The following PRPF18 variants were observed in gnomAD, a reference collection of about 807,000 sequenced individuals.
PRPF18 encodes pre-mRNA-splicing factor 18.
Under a neutral mutation model 46.5 loss-of-function variants are expected in PRPF18, and 38 were observed. The observed-to-expected ratio is 0.82, with a 90% CI of 0.63 to 1.07. PRPF18 has a LOEUF of 1.07. Among genes scored for constraint, PRPF18 ranks in the 50% least tolerant of loss-of-function variants. The pLI, the probability that PRPF18 is intolerant of heterozygous loss-of-function variation, is 0.00. For missense variants in PRPF18, 263 were observed against 410.0 expected (o/e 0.64, Z 3.10); for synonymous variants, 152 against 146.7 (o/e 1.04, Z -0.26).
intron 1 of PRPF18, among the ~76,000 whole-genome samples, chr10:13,592,885 C>T (rs1273827467): frequency 6.6e-6 from 1 of 152,162 alleles, no homozygotes; most frequent in African/African-American, 2.4e-5. Context: ...AACAATGCTA[C>T]AATAATCAAA....
In PRPF18 at chr10:13,613,765, G is replaced by T. The variant is rs750828017; in HGVS notation, c.604G>T (p.Glu202Ter). 3 of 1,613,568 alleles carry T rather than the reference G, an allele frequency of 1.9e-6. No individual in the cohort carries two copies. The highest frequency in any genetic ancestry group is 1.7e-5 in the Admixed American group (1 of 59,820). Residue 202 changes from glutamate (E) to a stop codon, truncating the protein, a stop_gained, in exon 7 of 10, where the codon GAA (glutamate) becomes TAA (stop). Transcript: ENST00000378572. LOFTEE classifies it high-confidence loss of function. The part of the protein sequence containing the change: ...LKFLLGVWAK[E>*]LNAREDYVKR... ...GTTTCTTCTTGGCGTTTGGGCTAAA[G>T]AATTGAATGCCAGAGAAGATTATGT... is the stretch of plus-strand genomic sequence containing the variant.
At chr10:13,635,834 C>T (rs781629932), downstream of PRPF18, among the ~76,000 whole-genome samples, 259 of 151,994 alleles carry the variant, frequency 1.7e-3, 1 homozygote, top group Non-Finnish European at 2.3e-3. Flanking sequence ...GACTATAATT[C>T]TTTTTTGATT....
At chr10:13,622,544 AGTT>A (rs1307733424) in intron 9 of PRPF18, among the ~76,000 whole-genome samples, 1 of 152,084 alleles carries the variant, frequency 6.6e-6, no homozygotes, top group Non-Finnish European at 1.5e-5. Context: ...TTAATTTTTG[AGTT>A]GTTGTTTGTA....
At chr10:13,638,462 A>G in the PRPF18 span, among the ~76,000 whole-genome samples, 6 of 152,056 alleles carry the variant, frequency 3.9e-5, no homozygotes, top group Non-Finnish European at 7.4e-5. Context: ...TGGTTGAAAC[A>G]GTTATGGAGG....
chr10:13,616,685 G>A, intron 9 of PRPF18, 132 bp downstream of exon 9: 1 of 1,144,492 alleles, frequency 8.7e-7, no homozygotes, highest in Non-Finnish European at 1.2e-6. Context: ...GTCCCCTCTG[G>A]ATAAGCACTG....
In PRPF18 at chr10:13,587,019, C is replaced by T. The variant is rs757591037; in HGVS notation, c.-68C>T. ...TCCGTATACTCAGTGGGTTCGCGGC[C>T]GCCGGCCCAGTGAGGCTGGGTTCGA... On this transcript the variant is annotated 5_prime_UTR_variant, in exon 1 of 10. Coordinates refer to ENST00000378572, the MANE Select transcript of PRPF18 (RefSeq NM_003675.4). 6.5e-7 allele frequency: 1 copy of T among 1,539,894 alleles called. No individual in the cohort carries two copies. The highest frequency in any genetic ancestry group is 9.0e-7 in the Non-Finnish European group (1 of 1,112,658).
intron 1 of PRPF18, among the ~76,000 whole-genome samples, chr10:13,596,778 C>T (rs1296284356): frequency 1.3e-5 from 2 of 152,066 alleles, no homozygotes; most frequent in South Asian, 4.1e-4. Flanking sequence ...TCATTTGAAC[C>T]CAGGGAGTCG....
At chr10:13,595,915 A>G (rs1195368222) in intron 1 of PRPF18, among the ~76,000 whole-genome samples, 1 of 152,242 alleles carries the variant, frequency 6.6e-6, no homozygotes. Flanking sequence ...ATGCAGCTCT[A>G]GAAAATGACA....
Position 13,613,897 on chromosome 10 carries a change from A to G in PRPF18, c.720+16A>G, listed in dbSNP as rs763720599. On this transcript the variant is annotated intron_variant, in intron 7 of 9. Coordinates refer to ENST00000378572, the MANE Select transcript of PRPF18 (RefSeq NM_003675.4). Reference sequence around the variant, plus strand: ...ACGGAAAAGGGTGAGGTTTCTTGGAAAATACTTTTTTTAACTGACTTTAAA... The same window carrying G: ...ACGGAAAAGGGTGAGGTTTCTTGGAGAATACTTTTTTTAACTGACTTTAAA... 1.3e-6 allele frequency: 2 copies of G among 1,593,244 alleles called. No individual in the cohort carries two copies. The highest frequency in any genetic ancestry group is 1.7e-6 in the Non-Finnish European group (2 of 1,174,450).
At chr10:13,604,370 T>G (rs2080156076) in intron 3 of PRPF18, among the ~76,000 whole-genome samples, 1 of 152,236 alleles carries the variant, frequency 6.6e-6, no homozygotes, top group Non-Finnish European at 1.5e-5. Context: ...ATACATAGCA[T>G]GTATATAAAG....
chr10:13,611,162 A>G (rs1385612411), intron 5 of PRPF18, among the ~76,000 whole-genome samples: 3 of 149,360 alleles, frequency 2.0e-5, no homozygotes, highest in Non-Finnish European at 4.4e-5. Context: ...TACTAAAATA[A>G]TTGGTATGGG....
the PRPF18 span, chr10:13,646,972 C>T: frequency 1.0e-6 from 1 of 984,550 alleles, no homozygotes; most frequent in African/African-American, 1.7e-5. Flanking sequence ...CCTGCCCGTA[C>T]CACTGGACAT....
At chr10:13,603,346 A>T (rs749405763) in intron 3 of PRPF18, among the ~76,000 whole-genome samples, 68 of 152,308 alleles carry the variant, frequency 4.5e-4, no homozygotes, top group Non-Finnish European at 8.2e-4. Flanking sequence ...TTATTTAAAA[A>T]ATTAGAATAA....
the PRPF18 span, chr10:13,652,253 T>C: frequency 2.1e-6 from 1 of 483,098 alleles, no homozygotes. Context: ...CCAAAATTGC[T>C]GTTTTTCAAA....
chr10:13,624,996 A>G (rs1012905523), intron 9 of PRPF18, among the ~76,000 whole-genome samples: 1 of 152,230 alleles, frequency 6.6e-6, no homozygotes, highest in Non-Finnish European at 1.5e-5. Flanking sequence ...TCATAGAAAC[A>G]GAATTATAGA....
At chr10:13,599,647 C>CT (rs1203497773) in intron 2 of PRPF18, among the ~76,000 whole-genome samples, 2 of 152,174 alleles carry the variant, frequency 1.3e-5, no homozygotes, top group Admixed American at 6.5e-5. Flanking sequence ...TAGACAGGTG[C>CT]TTTTTTCCTT....
chr10:13,654,938 G>T, the PRPF18 span: 7 of 176,696 alleles, frequency 4.0e-5, no homozygotes, highest in East Asian at 9.6e-4. Flanking sequence ...GGCATTTTCA[G>T]TGTGGCCCTG....
At chr10:13,652,138 T>G in the PRPF18 span, 1 of 641,760 alleles carries the variant, frequency 1.6e-6, no homozygotes, top group Non-Finnish European at 2.8e-6. Context: ...GTACTTTCAG[T>G]CCCCATAATT....
chr10:13,613,129 A>C (rs2080295625), intron 6 of PRPF18, among the ~76,000 whole-genome samples: 1 of 152,024 alleles, frequency 6.6e-6, no homozygotes, highest in South Asian at 2.1e-4. Flanking sequence ...CTTTTTTAGG[A>C]TATGCATAGA....
Sources: gnomAD v4.1 joint callset for allele counts (sites outside exome capture counted in the v4.1 genomes callset) on GRCh38, gnomAD v4.1.1 for gene constraint, MANE v1.5 for transcripts, NCBI Gene and HGNC (gene_info 2026-07-23, HGNC 2026-07-21) for gene names.